LRMDA: variants seen among roughly 807,000 people sequenced by gnomAD.
LRMDA encodes the protein leucine-rich melanocyte differentiation-associated protein.
LRMDA carries 18 observed loss-of-function variants against 29.8 expected under a neutral mutation model. That is an observed-to-expected ratio of 0.60 (90% CI 0.42 to 0.90). LRMDA has a LOEUF of 0.90. Ranked by LOEUF, LRMDA falls within the 40% of genes least tolerant of loss-of-function variation. LRMDA has a pLI of 0.00. For synonymous variants in LRMDA, 125 were observed against 109.4 expected, an observed-to-expected ratio of 1.14 and a Z score of -0.89; for missense variants, 273 against 273.9, an observed-to-expected ratio of 1.00 and a Z score of 0.02.
intron 2 of LRMDA, among the ~76,000 whole-genome samples, chr10:75,566,936 C>T (rs1213764325): frequency 2.0e-5 from 3 of 152,326 alleles, no homozygotes; most frequent in African/African-American, 7.2e-5. Flanking sequence ...CATGGGGGGC[C>T]TCATCATGGT....
chr10:76,393,084 A>T (rs935075344), intron 6 of LRMDA, among the ~76,000 whole-genome samples: 4 of 152,142 alleles, frequency 2.6e-5, no homozygotes, highest in African/African-American at 4.8e-5. Context: ...CCATTCATTC[A>T]TTGATGGAAC....
intron 6 of LRMDA, among the ~76,000 whole-genome samples, chr10:76,467,016 C>T (rs546294995): frequency 1.3e-5 from 2 of 152,234 alleles, no homozygotes; most frequent in South Asian, 2.1e-4. Context: ...CTTAGCCATT[C>T]GGTGTTTTAA....
intron 2 of LRMDA, among the ~76,000 whole-genome samples, chr10:75,496,596 A>G (rs1264822958): frequency 6.6e-6 from 1 of 152,006 alleles, no homozygotes; most frequent in East Asian, 1.9e-4. Context: ...ACACAGGATT[A>G]TTTTTCAAGC....
At chr10:75,587,398 T>TA (rs1840670012) in intron 2 of LRMDA, among the ~76,000 whole-genome samples, 1 of 152,186 alleles carries the variant, frequency 6.6e-6, no homozygotes, top group Non-Finnish European at 1.5e-5. Context: ...AGAGGCTTCT[T>TA]AAAAGAAATA....
chr10:75,934,935 A>G (rs1846262630), intron 2 of LRMDA, among the ~76,000 whole-genome samples: 2 of 152,148 alleles, frequency 1.3e-5, no homozygotes, highest in African/African-American at 4.8e-5. Context: ...CATTGAGTCC[A>G]TCAGCGGAGA....
chr10:75,639,502 A>G (rs914765384), intron 2 of LRMDA, among the ~76,000 whole-genome samples: 1 of 152,156 alleles, frequency 6.6e-6, no homozygotes, highest in Non-Finnish European at 1.5e-5. Flanking sequence ...ATTATGGCAA[A>G]TGGGTGAATT....
Position 75,788,323 on chromosome 10 carries a change from CTT to C in LRMDA, c.132-247683_132-247682del, listed in dbSNP as rs1843508182. On this transcript the variant is annotated intron_variant, in intron 2 of 6. Transcript: ENST00000611255. ...TCAACAGAGACAAGGCTTCTCCTGT[CTT>C]TCTGTATCAACATCTTTAGCTGTGG... 1.3e-5 allele frequency among the ~76,000 whole-genome samples: 2 copies of C among 152,212 alleles called. 1 individual carries two copies. Among genetic ancestry groups the C allele is most frequent in the South Asian group, 4.1e-4 (2 of 4,836 alleles).
At chr10:76,140,186 C>T (rs74150516) in intron 5 of LRMDA, among the ~76,000 whole-genome samples, 20,602 of 151,888 alleles carry the variant, frequency 0.14, 1,546 homozygotes, top group East Asian at 0.24. Flanking sequence ...GGAGAAGCGC[C>T]GACAACAGAA....
At chr10:75,492,683 C>A (rs1485561844) in intron 2 of LRMDA, among the ~76,000 whole-genome samples, 1 of 152,188 alleles carries the variant, frequency 6.6e-6, no homozygotes, top group Non-Finnish European at 1.5e-5. Context: ...AATTTGCTCT[C>A]CCCCTAATGC....
At chr10:76,042,415 A>G (rs563207470) in intron 3 of LRMDA, among the ~76,000 whole-genome samples, 33 of 152,348 alleles carry the variant, frequency 2.2e-4, no homozygotes, top group African/African-American at 7.5e-4. Context: ...CCCCTTGCCC[A>G]GGAAAGTCCC....
chr10:76,364,951 T>A (rs976523787), intron 6 of LRMDA, among the ~76,000 whole-genome samples: 1 of 151,568 alleles, frequency 6.6e-6, no homozygotes, highest in Non-Finnish European at 1.5e-5. Flanking sequence ...CATACAATGT[T>A]TGGTTTTCCA....
intron 5 of LRMDA, among the ~76,000 whole-genome samples, chr10:76,077,515 T>C (rs1400260048): frequency 1.3e-5 from 2 of 152,106 alleles, no homozygotes; most frequent in Non-Finnish European, 2.9e-5. Context: ...TAAAATGAAC[T>C]GAGACAGATC....
chr10:76,461,563 A>T (rs1842512034), intron 6 of LRMDA, among the ~76,000 whole-genome samples: 1 of 152,164 alleles, frequency 6.6e-6, no homozygotes, highest in East Asian at 1.9e-4. Flanking sequence ...TAGAACCATA[A>T]ATTTGTTTTC....
At chr10:76,466,707 A>G (rs2894336) in intron 6 of LRMDA, among the ~76,000 whole-genome samples, 116,644 of 152,036 alleles carry the variant, frequency 0.77, 45,495 homozygotes, top group Non-Finnish European at 0.85. Flanking sequence ...GAGGCAAGAG[A>G]ATTGAGCCTG....
intron 2 of LRMDA, among the ~76,000 whole-genome samples, chr10:75,874,510 G>A (rs1589236803): frequency 6.6e-6 from 1 of 152,312 alleles, no homozygotes; most frequent in African/African-American, 2.4e-5. Context: ...ATTCTTTATA[G>A]CAGCTCTGTG....
In LRMDA at chr10:76,363,257, AGG is replaced by A. The variant is rs1841348551; in HGVS notation, c.601+38773_601+38774del. ...AAAGAAAGAAAGAAAGAAAGAAAGAAGGAAGGAAGGAAGGAAGGAAAGGAAGG... is the reference window on the plus strand; with the variant it reads ...AAAGAAAGAAAGAAAGAAAGAAAGAAAAGGAAGGAAGGAAGGAAAGGAAGG... On this transcript the variant is annotated intron_variant, in intron 6 of 6. Transcript: ENST00000611255. Among the ~76,000 whole-genome samples the A allele has an allele frequency of 1.6e-4, 9 of 55,988 alleles. 1 individual carries two copies. Among genetic ancestry groups the A allele is most frequent in the South Asian group, 1.4e-3 (3 of 2,150 alleles). 36.7% of individuals were successfully genotyped at this position (55,988 alleles called of 152,430 possible).
At chr10:76,538,412 A>T (rs57918830) in intron 6 of LRMDA, among the ~76,000 whole-genome samples, 11,315 of 147,360 alleles carry the variant, frequency 0.077, 622 homozygotes, top group African/African-American at 0.15. Context: ...TATTGATTTT[A>T]TTTTTGCTTG....
At chr10:76,546,567 T>G (rs1843423513) in intron 6 of LRMDA, among the ~76,000 whole-genome samples, 4 of 152,210 alleles carry the variant, frequency 2.6e-5, no homozygotes, top group Admixed American at 2.6e-4. Context: ...AGGGCCATTT[T>G]ATACTTGCCT....
intron 6 of LRMDA, among the ~76,000 whole-genome samples, chr10:76,415,816 C>T (rs1462161954): frequency 2.0e-5 from 3 of 152,172 alleles, no homozygotes; most frequent in South Asian, 2.1e-4. Flanking sequence ...CCTGTGCGCA[C>T]GAGATGCACT....
Sources: gnomAD v4.1 joint callset for allele counts (sites outside exome capture counted in the v4.1 genomes callset) on GRCh38, gnomAD v4.1.1 for gene constraint, MANE v1.5 for transcripts, NCBI Gene and HGNC (gene_info 2026-07-23, HGNC 2026-07-21) for gene names.